QTMAN: variants seen among roughly 807,000 people sequenced by gnomAD.
The protein encoded by QTMAN is queuosine-tRNA mannosyltransferase, also known as tRNA-queuosine alpha-mannosyltransferase.
the QTMAN span, among the ~76,000 whole-genome samples, chr2:144,106,263 C>T: frequency 2.0e-5 from 3 of 152,080 alleles, no homozygotes; most frequent in Non-Finnish European, 4.4e-5. Context: ...CAATATTAAC[C>T]TTAAATGTAA....
the QTMAN span, among the ~76,000 whole-genome samples, chr2:144,319,323 T>C: frequency 5.3e-5 from 8 of 152,280 alleles, no homozygotes; most frequent in Non-Finnish European, 7.4e-5. Flanking sequence ...ATGAAAATCA[T>C]AGTCCTGAAA....
the QTMAN span, among the ~76,000 whole-genome samples, chr2:144,058,454 C>T: frequency 3.9e-5 from 6 of 152,074 alleles, no homozygotes; most frequent in Admixed American, 3.3e-4. Flanking sequence ...TTGTCACTTT[C>T]TTGGAATTTA....
At chr2:144,233,974 T>G in the QTMAN span, among the ~76,000 whole-genome samples, 3 of 152,012 alleles carry the variant, frequency 2.0e-5, no homozygotes, top group African/African-American at 7.2e-5. Flanking sequence ...TTTAAAAATC[T>G]GATGCCACAA....
At chr2:144,308,819 A>G in the QTMAN span, among the ~76,000 whole-genome samples, 1 of 152,204 alleles carries the variant, frequency 6.6e-6, no homozygotes, top group Non-Finnish European at 1.5e-5. Flanking sequence ...ACAGACCACC[A>G]AAGAAAATGT....
chr2:144,332,748 C>A, the QTMAN span, among the ~76,000 whole-genome samples: 1 of 152,130 alleles, frequency 6.6e-6, no homozygotes, highest in Non-Finnish European at 1.5e-5. Flanking sequence ...TGCCCACTGT[C>A]CCCCGGCCTC....
At chr2:144,175,204 G>A in the QTMAN span, among the ~76,000 whole-genome samples, 1 of 152,012 alleles carries the variant, frequency 6.6e-6, no homozygotes, top group African/African-American at 2.4e-5. Flanking sequence ...TAAGATGGCA[G>A]CAAAGGAACA....
the QTMAN span, among the ~76,000 whole-genome samples, chr2:144,304,897 T>G: frequency 6.6e-6 from 1 of 152,248 alleles, no homozygotes; most frequent in Non-Finnish European, 1.5e-5. Context: ...TCTATGCATA[T>G]GCCTACTGTC....
chr2:144,119,563 G>C, the QTMAN span, among the ~76,000 whole-genome samples: 1 of 152,188 alleles, frequency 6.6e-6, no homozygotes, highest in Non-Finnish European at 1.5e-5. Flanking sequence ...CAGAAGACTG[G>C]TGAAATGTGA....
At chr2:144,163,250 C>G in the QTMAN span, among the ~76,000 whole-genome samples, 1 of 151,820 alleles carries the variant, frequency 6.6e-6, no homozygotes, top group Non-Finnish European at 1.5e-5. Flanking sequence ...CATATTTTAT[C>G]TCCAAAGTTC....
the QTMAN span, among the ~76,000 whole-genome samples, chr2:144,229,600 C>T: frequency 6.6e-6 from 1 of 152,142 alleles, no homozygotes; most frequent in Non-Finnish European, 1.5e-5. Flanking sequence ...CTCATTCCTG[C>T]TTCTAAAGGA....
At chr2:144,150,864 T>C in the QTMAN span, among the ~76,000 whole-genome samples, 1 of 152,190 alleles carries the variant, frequency 6.6e-6, no homozygotes, top group African/African-American at 2.4e-5. Flanking sequence ...TATTTGCATT[T>C]TGGTGCTCTA....
At chr2:144,231,522 C>T in the QTMAN span, among the ~76,000 whole-genome samples, 3 of 151,982 alleles carry the variant, frequency 2.0e-5, no homozygotes, top group Non-Finnish European at 4.4e-5. Context: ...AATAGCTTTG[C>T]TATGTGTTCT....
the QTMAN span, among the ~76,000 whole-genome samples, chr2:144,073,058 C>T: frequency 4.6e-5 from 7 of 152,112 alleles, no homozygotes; most frequent in African/African-American, 1.7e-4. Flanking sequence ...AGAGGGATAA[C>T]CTTTATTCAC....
the QTMAN span, among the ~76,000 whole-genome samples, chr2:144,158,101 T>C: frequency 3.3e-5 from 5 of 151,994 alleles, no homozygotes; most frequent in Admixed American, 2.6e-4. Context: ...TTCCCAAAGT[T>C]AAAAACACTC....
At chr2:144,152,341 T>G in the QTMAN span, among the ~76,000 whole-genome samples, 1 of 152,196 alleles carries the variant, frequency 6.6e-6, no homozygotes, top group Admixed American at 6.5e-5. Context: ...CTTACGGATG[T>G]TTAAGGAAAC....
the QTMAN span, among the ~76,000 whole-genome samples, chr2:144,299,510 TA>T: frequency 6.6e-6 from 1 of 152,242 alleles, no homozygotes; most frequent in African/African-American, 2.4e-5. Context: ...TTGTGAAGGC[TA>T]AAAGTTTCTC....
At chr2:144,185,158 A>C in the QTMAN span, among the ~76,000 whole-genome samples, 24 of 152,328 alleles carry the variant, frequency 1.6e-4, no homozygotes, top group South Asian at 5.0e-3. Context: ...AAAATATATT[A>C]TCTCATTTGG....
At chr2:144,283,754 A>C in the QTMAN span, among the ~76,000 whole-genome samples, 1 of 152,102 alleles carries the variant, frequency 6.6e-6, no homozygotes, top group Non-Finnish European at 1.5e-5. Flanking sequence ...AACACACTCT[A>C]AAAATAACTA....
At chr2:144,076,424 T>C in the QTMAN span, among the ~76,000 whole-genome samples, 1 of 152,070 alleles carries the variant, frequency 6.6e-6, no homozygotes, top group Non-Finnish European at 1.5e-5. Flanking sequence ...AGAAATAAAC[T>C]TCCACAAGGA....
Sources: allele counts gnomAD v4.1 joint callset (sites outside exome capture counted in the v4.1 genomes callset), GRCh38; gene constraint gnomAD v4.1.1; transcripts MANE v1.5; gene names NCBI Gene and HGNC (gene_info 2026-07-23, HGNC 2026-07-21).